Variants in PGAP1 observed in about 807,000 individuals in gnomAD.
PGAP1 encodes the protein GPI inositol-deacylase.
Under a neutral mutation model 127.0 loss-of-function variants are expected in PGAP1, and 76 were observed. The ratio of observed to expected loss-of-function variants is 0.60; its 90% CI spans 0.50 to 0.72. PGAP1 has a LOEUF of 0.72. PGAP1 is among the 30% of genes least tolerant of loss of function. The pLI, the probability that PGAP1 is intolerant of heterozygous loss-of-function variation, is 0.00. For missense variants in PGAP1, 982 were observed against 1,071.3 expected (o/e 0.92, Z 1.16); for synonymous variants, 362 against 366.5 (o/e 0.99, Z 0.14).
Position 196,838,083 on chromosome 2 carries a change from T to A in PGAP1, c.*3151A>T, listed in dbSNP as rs1446817501. 1 of 152,220 alleles carries A rather than the reference T, an allele frequency of 6.6e-6. No individual in the cohort carries two copies. The highest frequency in any genetic ancestry group is 1.5e-5 in the Non-Finnish European group (1 of 68,026). The allele number at this position is 152,220 out of a possible 1,614,324, so 9.4% of individuals were successfully genotyped here. A position where few individuals can be genotyped will look rare whatever the true frequency, so the allele number is the denominator to read the frequency against. On this transcript the variant is annotated 3_prime_UTR_variant, in exon 27 of 27. Coordinates refer to ENST00000354764, the MANE Select transcript of PGAP1 (RefSeq NM_024989.4). ...CAGTGTTAGCAATCTCTACCTATTA[T>A]CAGTTCCAAATTACAATCAGTAGTA...
At chr2:196,847,743 G>A (rs1700599730) in intron 21 of PGAP1, 1 of 394,334 alleles carries the variant, frequency 2.5e-6, no homozygotes, top group African/African-American at 2.1e-5. Context: ...TATACATAAA[G>A]TGAATAATTA....
chr2:196,837,820 A>G lies in PGAP1; in HGVS notation c.*3414T>C, dbSNP rs1013490252. ...GTAGATTAGTAGTATAGTTCACTCAAGAAGGGGTATTCCATTATATAGATC... is the reference window on the plus strand; with the variant it reads ...GTAGATTAGTAGTATAGTTCACTCAGGAAGGGGTATTCCATTATATAGATC... On this transcript the variant is annotated 3_prime_UTR_variant, in exon 27 of 27. Coordinates refer to ENST00000354764, the MANE Select transcript of PGAP1 (RefSeq NM_024989.4). 4 of 152,286 alleles carry G rather than the reference A, an allele frequency of 2.6e-5. No homozygotes were observed. Among genetic ancestry groups the G allele is most frequent in the East Asian group, 3.9e-4 (2 of 5,182 alleles). 9.4% of individuals were successfully genotyped at this position (152,286 alleles called of 1,614,324 possible).
Position 196,834,606 on chromosome 2 carries a change from A to G in PGAP1, c.*6628T>C, listed in dbSNP as rs73062968. The G allele has an allele frequency of 0.1, 15,558 of 152,388 alleles. 966 individuals are homozygous for G. The highest frequency in any genetic ancestry group is 0.17 in the African/African-American group (7,174 of 41,508). 9.4% of individuals were successfully genotyped at this position (152,388 alleles called of 1,614,324 possible). On this transcript the variant is annotated 3_prime_UTR_variant, in exon 27 of 27. Coordinates refer to ENST00000354764, the MANE Select transcript of PGAP1 (RefSeq NM_024989.4). ...TATAATACAATCACTTCAAAATAAT[A>G]TGTCATTTTTATATTTTTAAAAATG... is the stretch of plus-strand genomic sequence containing the variant.
In PGAP1 at chr2:196,847,569, G is replaced by A. The variant is rs140709673; in HGVS notation, c.1953-369C>T. 9.8e-4 allele frequency: 189 copies of A among 193,142 alleles called. No individual in the cohort carries two copies. In the East Asian group the frequency reaches 0.016, roughly 16 times the overall value. 12.0% of individuals were successfully genotyped at this position (193,142 alleles called of 1,614,324 possible). A position where few individuals can be genotyped will look rare whatever the true frequency, so the allele number is the denominator to read the frequency against. The stretch of plus-strand genomic sequence containing the variant: ...AATGTGACTAAATTAAGAATGGAAT[G>A]TTAACTAGGGTAGAGAGGTCTAAAA... On this transcript the variant is annotated intron_variant, in intron 21 of 26. Transcript: ENST00000354764.
At chr2:196,873,869 G>C in intron 14 of PGAP1, 111 bp from the exon 15 acceptor site, 1 of 717,450 alleles carries the variant, frequency 1.4e-6, no homozygotes, top group Non-Finnish European at 2.4e-6. Flanking sequence ...TTTATTTACA[G>C]GTTTTCACTT....
Position 196,885,062 on chromosome 2 carries a change from C to A in PGAP1, c.1272+362G>T, listed in dbSNP as rs570470564. ...CTTCCCAACTGCAGGCCCTTCCTCC[C>A]AAAATGAGTTCTAAGTATACTAACT... On this transcript the variant is annotated intron_variant, in intron 12 of 26. Transcript: ENST00000354764. Among the ~76,000 whole-genome samples, 4 of 152,190 alleles carry A rather than the reference C, an allele frequency of 2.6e-5. 1 individual carries two copies. The South Asian group carries it at 8.3e-4, about 32-fold the overall frequency.
intron 1 of PGAP1, chr2:196,922,319 C>A: frequency 8.8e-7 from 1 of 1,141,646 alleles, no homozygotes. Context: ...AGTTTTATTT[C>A]CATAACTAAC....
intron 9 of PGAP1, 25 bp from the exon 10 acceptor site, chr2:196,890,936 A>C: frequency 8.5e-7 from 1 of 1,182,008 alleles, no homozygotes; most frequent in Non-Finnish European, 1.3e-6. Context: ...AAAACACTCA[A>C]TATAGCTGTA....
chr2:196,926,641 G>GA lies in PGAP1; in HGVS notation c.-26_-25insT. The GA allele has an allele frequency of 6.2e-7, 1 of 1,612,846 alleles. No homozygotes were observed. Among genetic ancestry groups the GA allele is most frequent in the East Asian group, 2.2e-5 (1 of 44,860 alleles). The stretch of plus-strand genomic sequence containing the variant: ...TGGTGCCGCCACCACCGCCGCCGCC[G>GA]CCGCCGCCCCCTCTACCTCCTTCTC... On this transcript the variant is annotated 5_prime_UTR_variant, in exon 1 of 27. Transcript: ENST00000354764.
intron 7 of PGAP1, among the ~76,000 whole-genome samples, chr2:196,895,533 A>G (rs1702244491): frequency 6.6e-6 from 1 of 152,218 alleles, no homozygotes. Context: ...TTTGTGTTGC[A>G]TGACCAAGTC....
intron 3 of PGAP1, among the ~76,000 whole-genome samples, chr2:196,913,518 C>CT (rs1702904400): frequency 6.6e-6 from 1 of 152,204 alleles, no homozygotes; most frequent in African/African-American, 2.4e-5. Flanking sequence ...AATTATTTCT[C>CT]TATTGTGCAT....
At chr2:196,857,240 T>C (rs554709161) in intron 20 of PGAP1, among the ~76,000 whole-genome samples, 32 of 152,362 alleles carry the variant, frequency 2.1e-4, no homozygotes, top group African/African-American at 7.7e-4. Flanking sequence ...CTAGCATTCC[T>C]CTATCTGTTA....
intron 19 of PGAP1, among the ~76,000 whole-genome samples, chr2:196,867,629 A>T (rs966829514): frequency 2.0e-5 from 3 of 152,188 alleles, no homozygotes; most frequent in African/African-American, 7.2e-5. Context: ...TATAATTTTT[A>T]AAAAAGCCTT....
rs1701475112 is a variant in PGAP1, at chr2:196,873,718, T to C, written c.1467A>G (p.Leu489=). 3 of 1,612,090 alleles carry C rather than the reference T, an allele frequency of 1.9e-6. No individual in the cohort carries two copies. Among genetic ancestry groups the C allele is most frequent in the Non-Finnish European group, 2.5e-6 (3 of 1,178,396 alleles). ...AGTTCAGAAGCTCTAGATTGTAGTA[T>C]AGGCCATTTGTATTTAACACCACTT... ...SRKVVLNTNG[L]YYNLELLNFG... is the part of the protein sequence containing the mutation. Residue 489 remains leucine (L), a synonymous_variant, in exon 15 of 27, where the codon CTA becomes CTG. Coordinates refer to ENST00000354764, the MANE Select transcript of PGAP1 (RefSeq NM_024989.4).
intron 11 of PGAP1, 94 bp from the exon 12 acceptor site, chr2:196,885,569 ACACCTAGTAGAG>A (rs1559353851): frequency 1.1e-6 from 1 of 921,858 alleles, no homozygotes; most frequent in Non-Finnish European, 1.7e-6. Context: ...AACCATCTCT[ACACCTAGTAGAG>A]ATGTCTATTG....
At chr2:196,874,826 C>A (rs977727564) in intron 14 of PGAP1, among the ~76,000 whole-genome samples, 1 of 152,074 alleles carries the variant, frequency 6.6e-6, no homozygotes, top group Non-Finnish European at 1.5e-5. Flanking sequence ...CCAGCCTGGG[C>A]AATATGGTGA....
Position 196,890,399 on chromosome 2 carries a change from C to G in PGAP1, c.1173+429G>C, listed in dbSNP as rs555686266. Among the ~76,000 whole-genome samples, 3 of 152,254 alleles carry G rather than the reference C, an allele frequency of 2.0e-5. 1 individual carries two copies. In the South Asian group the frequency reaches 6.2e-4, roughly 32 times the overall value. On this transcript the variant is annotated intron_variant, in intron 10 of 26. Transcript: ENST00000354764. ...ATAACATTGTAAGTTACTCTACTATCTTAGAGAATATTTGGTATAAAAAGT... is the reference window on the plus strand; with the variant it reads ...ATAACATTGTAAGTTACTCTACTATGTTAGAGAATATTTGGTATAAAAAGT...
At chr2:196,880,901 G>A (rs1232996040) in intron 12 of PGAP1, among the ~76,000 whole-genome samples, 1 of 152,116 alleles carries the variant, frequency 6.6e-6, no homozygotes, top group Non-Finnish European at 1.5e-5. Flanking sequence ...AGGGATAGAT[G>A]TGCAAATTTG....
At chr2:196,911,636 A>T (rs1056284172) in intron 4 of PGAP1, among the ~76,000 whole-genome samples, 35 of 131,494 alleles carry the variant, frequency 2.7e-4, no homozygotes, top group Admixed American at 6.8e-4. Flanking sequence ...AAAAAAAAAA[A>T]TTAAGATAAT....
Sources: gnomAD v4.1 joint callset for allele counts (sites outside exome capture counted in the v4.1 genomes callset) on GRCh38, gnomAD v4.1.1 for gene constraint, MANE v1.5 for transcripts, NCBI Gene and HGNC (gene_info 2026-07-23, HGNC 2026-07-21) for gene names.